Variants in TACC1 observed in about 807,000 individuals in gnomAD.
The protein encoded by TACC1 is transforming acidic coiled-coil-containing protein 1.
In TACC1, 48 loss-of-function variants were observed where a neutral mutation model predicts 84.4. That is an observed-to-expected ratio of 0.57 (90% CI 0.45 to 0.72). TACC1 has a LOEUF of 0.72. TACC1 is among the 30% of genes least tolerant of loss of function. The pLI, the probability that TACC1 is intolerant of heterozygous loss-of-function variation, is 0.00. For missense variants in TACC1, 920 were observed against 973.0 expected (o/e 0.95, Z 0.72); for synonymous variants, 372 against 376.3 (o/e 0.99, Z 0.13).
chr8:38,756,850 C>A (rs1022666746), intron 3 of TACC1, among the ~76,000 whole-genome samples: 1 of 150,774 alleles, frequency 6.6e-6, no homozygotes, highest in East Asian at 1.9e-4. Context: ...GTCCCCTGAC[C>A]CCGTCACACA....
intron 11 of TACC1, 63 bp from the exon 12 acceptor site, chr8:38,846,636 G>A: frequency 2.5e-6 from 4 of 1,599,404 alleles, no homozygotes; most frequent in Middle Eastern, 1.7e-4. Context: ...ATCCTGACTG[G>A]CTTTGACTAG....
chr8:38,763,579 TA>T (rs1811639391), intron 3 of TACC1, among the ~76,000 whole-genome samples: 1 of 152,122 alleles, frequency 6.6e-6, no homozygotes, highest in Non-Finnish European at 1.5e-5. Flanking sequence ...GTAAAGAAAA[TA>T]AACTACCCAT....
intron 2 of TACC1, among the ~76,000 whole-genome samples, chr8:38,797,452 A>C (rs1820263739): frequency 6.6e-6 from 1 of 151,714 alleles, no homozygotes; most frequent in African/African-American, 2.4e-5. Flanking sequence ...TCCTAACCCC[A>C]CTCCTTCTTG....
chr8:38,845,581 C>T (rs1000981307), intron 11 of TACC1, among the ~76,000 whole-genome samples: 1 of 152,138 alleles, frequency 6.6e-6, no homozygotes, highest in African/African-American at 2.4e-5. Flanking sequence ...TTTATTAGGT[C>T]GTGGAACTAT....
chr8:38,738,996 T>C (rs1325399107), intron 1 of TACC1, among the ~76,000 whole-genome samples: 1 of 152,192 alleles, frequency 6.6e-6, no homozygotes, highest in Non-Finnish European at 1.5e-5. Context: ...GTTCAAGCGA[T>C]TCTCCTGCCT....
chr8:38,785,344 A>G (rs1352160088), upstream of TACC1, among the ~76,000 whole-genome samples: 1 of 152,094 alleles, frequency 6.6e-6, no homozygotes, highest in Non-Finnish European at 1.5e-5. Flanking sequence ...AGGCTGGCGG[A>G]TGATTCTTGG....
chr8:38,770,065 C>T (rs1406312903), intron 3 of TACC1, among the ~76,000 whole-genome samples: 1 of 151,380 alleles, frequency 6.6e-6, no homozygotes, highest in African/African-American at 2.4e-5. Flanking sequence ...ACATGAGACC[C>T]TGTGTGGTGT....
In TACC1 at chr8:38,753,486, G is replaced by A. The variant is rs187571388; in HGVS notation, c.26+7993G>A. On this transcript the variant is annotated intron_variant, in intron 3 of 14. Coordinates refer to the TACC1 transcript ENST00000518415. The stretch of plus-strand genomic sequence containing the variant: ...TCAGAGGAACTGCAGACATCCCACA[G>A]TCTATGCCTTTCTTGGAGATCTGCA... Among the ~76,000 whole-genome samples the A allele has an allele frequency of 3.9e-5, 6 of 152,334 alleles. 2 individuals are homozygous for A. Among genetic ancestry groups the A allele is most frequent in the Admixed American group, 3.9e-4 (6 of 15,308 alleles).
At chr8:38,816,041 G>A (rs748280981) in intron 2 of TACC1, among the ~76,000 whole-genome samples, 3 of 152,002 alleles carry the variant, frequency 2.0e-5, no homozygotes, top group Non-Finnish European at 1.5e-5. Context: ...GATTTATGCA[G>A]GTCAGTAGTT....
intron 11 of TACC1, among the ~76,000 whole-genome samples, chr8:38,845,431 G>A (rs892396512): frequency 6.6e-6 from 1 of 151,764 alleles, no homozygotes; most frequent in Admixed American, 6.6e-5. Flanking sequence ...TCGTTTCTTT[G>A]TGTCTTTATA....
intron 3 of TACC1, among the ~76,000 whole-genome samples, chr8:38,746,581 C>T (rs528948540): frequency 6.6e-6 from 1 of 152,216 alleles, no homozygotes; most frequent in South Asian, 2.1e-4. Context: ...AAGTCTTTTT[C>T]CACTCTGTTA....
At chr8:38,740,306 T>A (rs990712205) in intron 1 of TACC1, among the ~76,000 whole-genome samples, 1 of 152,296 alleles carries the variant, frequency 6.6e-6, no homozygotes, top group South Asian at 2.1e-4. Flanking sequence ...CCCACTTTGC[T>A]CAAGCCTCTG....
chr8:38,840,196 G>A, intron 8 of TACC1, 28 bp from the exon 9 acceptor site: 1 of 1,572,404 alleles, frequency 6.4e-7, no homozygotes, highest in Non-Finnish European at 8.7e-7. Context: ...ATCCTCCTCT[G>A]GTAATAAGTT....
At chr8:38,798,397 A>T (rs1820491733) in intron 2 of TACC1, among the ~76,000 whole-genome samples, 1 of 152,134 alleles carries the variant, frequency 6.6e-6, no homozygotes, top group African/African-American at 2.4e-5. Context: ...TTTCCAGATT[A>T]TTCTTTACCT....
Position 38,812,099 on chromosome 8 carries a change from A to C in TACC1, c.278-7423A>C, listed in dbSNP as rs142562752. On this transcript the variant is annotated intron_variant, in intron 2 of 12. Transcript: ENST00000317827. Reference sequence around the variant, plus strand: ...GGATTGGGAAATTCCAGCCTGGTAAATTTTGGTCAGACCGGTTCTCTGCTC... The same window carrying C: ...GGATTGGGAAATTCCAGCCTGGTAACTTTTGGTCAGACCGGTTCTCTGCTC... Among the ~76,000 whole-genome samples, 607 of 152,198 alleles carry C rather than the reference A, an allele frequency of 4.0e-3. 5 individuals carry two copies. The highest frequency in any genetic ancestry group is 0.014 in the African/African-American group (569 of 41,536).
chr8:38,734,822 C>T lies in TACC1; in HGVS notation c.-675+6151C>T, dbSNP rs573904167. On this transcript the variant is annotated intron_variant, in intron 1 of 14. Transcript: ENST00000518415. ...TTTCCTGCAGGAACAAGCAAGGGTG[C>T]CTGCGGCCTGCTGACGCAGGCTGGC... Among the ~76,000 whole-genome samples the T allele has an allele frequency of 2.6e-5, 4 of 152,370 alleles. No individual in the cohort carries two copies. In the South Asian group the frequency reaches 8.3e-4, roughly 32 times the overall value.
At chr8:38,832,907 G>A (rs1006016932) in intron 6 of TACC1, among the ~76,000 whole-genome samples, 2 of 152,236 alleles carry the variant, frequency 1.3e-5, no homozygotes, top group Admixed American at 1.3e-4. Flanking sequence ...TGTGCTCACT[G>A]TAAATTTGCA....
At chr8:38,826,414 A>G (rs1386573223) in intron 4 of TACC1, among the ~76,000 whole-genome samples, 1 of 152,248 alleles carries the variant, frequency 6.6e-6, no homozygotes, top group Non-Finnish European at 1.5e-5. Flanking sequence ...TGTAATTGAT[A>G]TAACAACTTA....
At chr8:38,732,202 G>A (rs776661535) in intron 1 of TACC1, among the ~76,000 whole-genome samples, 7 of 151,390 alleles carry the variant, frequency 4.6e-5, no homozygotes, top group Non-Finnish European at 8.8e-5. Context: ...GGAAAGGAAA[G>A]GAAAGGAAAA....
Sources: allele counts gnomAD v4.1 joint callset (sites outside exome capture counted in the v4.1 genomes callset), GRCh38; gene constraint gnomAD v4.1.1; transcripts MANE v1.5; gene names NCBI Gene and HGNC (gene_info 2026-07-23, HGNC 2026-07-21).